The following GALNTL6 variants were observed in gnomAD, a reference collection of about 807,000 sequenced individuals.
GALNTL6 encodes the protein polypeptide N-acetylgalactosaminyltransferase like 6.
In GALNTL6, 46 loss-of-function variants were observed where a neutral mutation model predicts 73.7. The ratio of observed to expected loss-of-function variants is 0.62; its 90% CI spans 0.49 to 0.80. GALNTL6 has a LOEUF of 0.80. Ranked by LOEUF, GALNTL6 falls within the 30% of genes least tolerant of loss-of-function variation. The pLI is 0.00. For missense variants in GALNTL6, 604 were observed against 755.0 expected, an observed-to-expected ratio of 0.80 and a Z score of 2.34; for synonymous variants, 259 against 263.7, an observed-to-expected ratio of 0.98 and a Z score of 0.17.
At chr4:171,964,186 T>TC (rs398108323) in intron 2 of GALNTL6, among the ~76,000 whole-genome samples, 2 of 151,466 alleles carry the variant, frequency 1.3e-5, no homozygotes, top group Admixed American at 6.6e-5. Context: ...TTTTTTTTTT[T>TC]CCTCTGCCCC....
rs187916340 is a variant in GALNTL6 at position 171,967,188 on chromosome 4, G to C, written c.138+152470G>C. Among the ~76,000 whole-genome samples the C allele has an allele frequency of 9.9e-5, 15 of 152,252 alleles. No homozygotes were observed. The East Asian group carries it at 2.7e-3, about 27-fold the overall frequency. ...TACCGTATTGTAAAATGTGTTTTCAGTTTGATAAAATAGCTGCTAGATTAT... is the reference window on the plus strand; with the variant it reads ...TACCGTATTGTAAAATGTGTTTTCACTTTGATAAAATAGCTGCTAGATTAT... On this transcript the variant is annotated intron_variant, in intron 2 of 12. Transcript: ENST00000506823.
intron 9 of GALNTL6, 96 bp from the exon 10 acceptor site, chr4:172,951,941 A>C: frequency 3.0e-6 from 3 of 1,008,326 alleles, no homozygotes; most frequent in Non-Finnish European, 4.4e-6. Context: ...GGTTGCCGCT[A>C]TCTTTTCCTT....
intron 5 of GALNTL6, among the ~76,000 whole-genome samples, chr4:172,760,257 G>A (rs1738002900): frequency 6.6e-6 from 1 of 152,144 alleles, no homozygotes; most frequent in Admixed American, 6.5e-5. Context: ...TCTGATGTGG[G>A]CCAGTTCCTC....
At chr4:172,786,694 G>A (rs1739668517) in intron 5 of GALNTL6, among the ~76,000 whole-genome samples, 1 of 152,070 alleles carries the variant, frequency 6.6e-6, no homozygotes, top group Non-Finnish European at 1.5e-5. Context: ...GGTAGAGAGA[G>A]GTCTTTTTGT....
intron 10 of GALNTL6, among the ~76,000 whole-genome samples, chr4:172,999,516 A>G (rs1207128191): frequency 2.0e-5 from 3 of 152,204 alleles, no homozygotes; most frequent in Non-Finnish European, 4.4e-5. Flanking sequence ...AAGGATTTGA[A>G]GTTGAAAGGC....
At chr4:172,464,977 A>T (rs1271406461) in intron 5 of GALNTL6, among the ~76,000 whole-genome samples, 2 of 152,152 alleles carry the variant, frequency 1.3e-5, no homozygotes, top group African/African-American at 2.4e-5. Context: ...GGAGGCATAG[A>T]CTTGGAATAA....
intron 2 of GALNTL6, among the ~76,000 whole-genome samples, chr4:171,858,394 G>A (rs1441210554): frequency 3.3e-5 from 5 of 150,204 alleles, no homozygotes; most frequent in Admixed American, 3.3e-4. Flanking sequence ...AAAATTTCCA[G>A]AAATACTAGG....
At chr4:172,570,181 G>A (rs1044316373) in intron 5 of GALNTL6, among the ~76,000 whole-genome samples, 2 of 152,128 alleles carry the variant, frequency 1.3e-5, no homozygotes, top group African/African-American at 2.4e-5. Context: ...GAGAAGGTAC[G>A]GAGAGAGAAG....
At chr4:172,883,553 C>T (rs1490310440) in intron 8 of GALNTL6, among the ~76,000 whole-genome samples, 2 of 152,146 alleles carry the variant, frequency 1.3e-5, no homozygotes, top group Non-Finnish European at 1.5e-5. Flanking sequence ...AGAACTCACT[C>T]ACCAGCAAGG....
chr4:172,466,688 C>T (rs963682196), intron 5 of GALNTL6, among the ~76,000 whole-genome samples: 1 of 152,216 alleles, frequency 6.6e-6, no homozygotes, highest in African/African-American at 2.4e-5. Context: ...TTTCACCTAA[C>T]AGCAGCTCAG....
At chr4:172,709,530 A>G (rs1436541910) in intron 5 of GALNTL6, among the ~76,000 whole-genome samples, 2 of 152,174 alleles carry the variant, frequency 1.3e-5, no homozygotes, top group African/African-American at 4.8e-5. Flanking sequence ...TGGATAAAAC[A>G]AACAGTTCAG....
At chr4:172,700,089 T>TA (rs1042242460) in intron 5 of GALNTL6, among the ~76,000 whole-genome samples, 4 of 152,066 alleles carry the variant, frequency 2.6e-5, no homozygotes, top group Non-Finnish European at 5.9e-5. Flanking sequence ...TAAGCAGTTT[T>TA]AAAAAAACTA....
chr4:171,878,727 C>A (rs1254170904), intron 2 of GALNTL6, among the ~76,000 whole-genome samples: 2 of 152,112 alleles, frequency 1.3e-5, no homozygotes, highest in Admixed American at 6.6e-5. Flanking sequence ...TGTGTCCCCA[C>A]AAAAATTTCA....
intron 5 of GALNTL6, among the ~76,000 whole-genome samples, chr4:172,656,847 A>G (rs1731054217): frequency 6.6e-6 from 1 of 152,240 alleles, no homozygotes. Context: ...GGAAAGAAAA[A>G]TGTGCTTGCT....
intron 2 of GALNTL6, among the ~76,000 whole-genome samples, chr4:172,223,053 T>A (rs951438252): frequency 1.3e-5 from 2 of 151,962 alleles, no homozygotes; most frequent in African/African-American, 2.4e-5. Context: ...AATTTTAAGA[T>A]CTAAATACAA....
intron 2 of GALNTL6, among the ~76,000 whole-genome samples, chr4:172,168,919 C>A (rs1353728102): frequency 6.6e-6 from 1 of 152,140 alleles, no homozygotes; most frequent in Non-Finnish European, 1.5e-5. Flanking sequence ...TATCATACCC[C>A]AAACATCATG....
At chr4:172,723,714 A>T (rs566092950) in intron 5 of GALNTL6, among the ~76,000 whole-genome samples, 8 of 152,264 alleles carry the variant, frequency 5.3e-5, no homozygotes, top group Admixed American at 2.6e-4. Context: ...CAATCAATTA[A>T]GTTTCAGCTC....
chr4:172,164,986 C>G (rs1415515891), intron 2 of GALNTL6, among the ~76,000 whole-genome samples: 1 of 152,052 alleles, frequency 6.6e-6, no homozygotes, highest in Non-Finnish European at 1.5e-5. Context: ...CCTGTGCAGT[C>G]TAGCTTTTGC....
chr4:172,213,697 TTA>T (rs1410149537), intron 2 of GALNTL6, among the ~76,000 whole-genome samples: 2 of 152,184 alleles, frequency 1.3e-5, no homozygotes, highest in Non-Finnish European at 2.9e-5. Flanking sequence ...TGTAAACATT[TTA>T]TCTCAGTCTG....
Sources: gnomAD v4.1 joint callset for allele counts (sites outside exome capture counted in the v4.1 genomes callset) on GRCh38, gnomAD v4.1.1 for gene constraint, MANE v1.5 for transcripts, NCBI Gene and HGNC (gene_info 2026-07-23, HGNC 2026-07-21) for gene names.